CMTM8: variants seen among roughly 807,000 people sequenced by gnomAD.
CMTM8 encodes CKLF like MARVEL transmembrane domain containing 8.
A neutral mutation model predicts 18.6 loss-of-function variants in CMTM8; 12 were observed. That is an observed-to-expected ratio of 0.65 (90% CI 0.41 to 1.05). CMTM8 has a LOEUF of 1.05. Ranked by LOEUF, CMTM8 falls within the 50% of genes least tolerant of loss-of-function variation. The probability of loss-of-function intolerance (pLI) is 0.00; values close to 1 mark genes in which losing one functional copy is unlikely to be tolerated. For missense variants in CMTM8, 217 were observed against 227.2 expected (o/e 0.95, Z 0.29); for synonymous variants, 87 against 90.6 (o/e 0.96, Z 0.23).
chr3:32,277,074 T>C (rs777357268), intron 1 of CMTM8, among the ~76,000 whole-genome samples: 2 of 151,694 alleles, frequency 1.3e-5, no homozygotes, highest in Non-Finnish European at 2.9e-5. Context: ...TTTGTAGAGA[T>C]TGGGGTCTCA....
intron 1 of CMTM8, among the ~76,000 whole-genome samples, chr3:32,273,051 C>T (rs577349619): frequency 6.6e-6 from 1 of 151,868 alleles, no homozygotes; most frequent in East Asian, 1.9e-4. Flanking sequence ...AATGAGATAC[C>T]ATTTCACACC....
intron 1 of CMTM8, among the ~76,000 whole-genome samples, chr3:32,244,986 C>G (rs2125527607): frequency 6.6e-6 from 1 of 152,282 alleles, no homozygotes; most frequent in Admixed American, 6.5e-5. Context: ...TAATGATCAC[C>G]TTAAATAACG....
chr3:32,339,958 A>G (rs1696461902), intron 1 of CMTM8, among the ~76,000 whole-genome samples: 1 of 152,160 alleles, frequency 6.6e-6, no homozygotes. Flanking sequence ...GTGAGACTCC[A>G]TCTCAAAAAA....
At chr3:32,271,765 T>C (rs1014215231) in intron 1 of CMTM8, among the ~76,000 whole-genome samples, 56 of 152,222 alleles carry the variant, frequency 3.7e-4, no homozygotes, top group African/African-American at 1.4e-3. Flanking sequence ...TCTTTAGCTG[T>C]CTTAACATGC....
chr3:32,324,939 G>A (rs186028433), intron 1 of CMTM8, among the ~76,000 whole-genome samples: 1 of 152,358 alleles, frequency 6.6e-6, no homozygotes, highest in Non-Finnish European at 1.5e-5. Context: ...AAGAAGTTCT[G>A]TTTGCACAGA....
intron 1 of CMTM8, among the ~76,000 whole-genome samples, chr3:32,248,664 C>T (rs1702074323): frequency 6.6e-6 from 1 of 150,640 alleles, no homozygotes; most frequent in South Asian, 2.1e-4. Flanking sequence ...ACACCTGGCC[C>T]ATGTTTTTTT....
At chr3:32,330,660 A>G (rs773505059) in intron 1 of CMTM8, among the ~76,000 whole-genome samples, 1 of 152,198 alleles carries the variant, frequency 6.6e-6, no homozygotes, top group African/African-American at 2.4e-5. Context: ...TGATCAATAT[A>G]TGTCATTTAT....
At chr3:32,363,015 A>T (rs575273444) in intron 2 of CMTM8, among the ~76,000 whole-genome samples, 2 of 134,108 alleles carry the variant, frequency 1.5e-5, no homozygotes, top group Non-Finnish European at 3.4e-5. Context: ...AAACAGGAAT[A>T]AGAAAAGTAA....
intron 1 of CMTM8, among the ~76,000 whole-genome samples, chr3:32,328,137 G>T (rs1696198023): frequency 6.6e-6 from 1 of 152,138 alleles, no homozygotes. Flanking sequence ...CACTTTGGGA[G>T]CCCAAGGCAC....
intron 1 of CMTM8, among the ~76,000 whole-genome samples, chr3:32,317,258 T>C (rs1335067765): frequency 6.6e-6 from 1 of 152,186 alleles, no homozygotes; most frequent in Non-Finnish European, 1.5e-5. Flanking sequence ...CAGGGACTTC[T>C]CAGTAAATGT....
intron 1 of CMTM8, among the ~76,000 whole-genome samples, chr3:32,287,971 T>TA (rs935120389): frequency 7.3e-5 from 11 of 151,634 alleles, no homozygotes; most frequent in South Asian, 2.1e-4. Context: ...TTTATGGCTT[T>TA]AAAAAAAAAG....
At chr3:32,301,426 A>G (rs888798730) in intron 1 of CMTM8, among the ~76,000 whole-genome samples, 8 of 152,228 alleles carry the variant, frequency 5.3e-5, no homozygotes, top group African/African-American at 1.2e-4. Context: ...ATAAATTTCT[A>G]TCCTGTTGTT....
chr3:32,292,619 T>G (rs1469276651), intron 1 of CMTM8, among the ~76,000 whole-genome samples: 1 of 152,010 alleles, frequency 6.6e-6, no homozygotes, highest in Non-Finnish European at 1.5e-5. Flanking sequence ...AAACAAAGGA[T>G]ACTGTTTATC....
intron 1 of CMTM8, among the ~76,000 whole-genome samples, chr3:32,320,088 C>T (rs550913153): frequency 1.3e-5 from 2 of 152,358 alleles, no homozygotes; most frequent in East Asian, 3.9e-4. Flanking sequence ...GCCACTCCCT[C>T]AGCTCCTGAG....
chr3:32,352,604 G>A (rs75474558), intron 1 of CMTM8, among the ~76,000 whole-genome samples: 7,951 of 152,290 alleles, frequency 0.052, 278 homozygotes, highest in East Asian at 0.14. Flanking sequence ...ACATAAGACT[G>A]AATACTACAG....
chr3:32,267,055 C>G (rs1575152282), intron 1 of CMTM8, among the ~76,000 whole-genome samples: 1 of 152,214 alleles, frequency 6.6e-6, no homozygotes, highest in East Asian at 1.9e-4. Context: ...AATGCCATCC[C>G]CATCAAGCTA....
chr3:32,329,594 A>G (rs555794418), intron 1 of CMTM8, among the ~76,000 whole-genome samples: 1 of 152,290 alleles, frequency 6.6e-6, no homozygotes, highest in African/African-American at 2.4e-5. Context: ...AACACTAAAC[A>G]CACTTGGAAT....
chr3:32,351,796 A>G (rs548793442), intron 1 of CMTM8, among the ~76,000 whole-genome samples: 3 of 152,224 alleles, frequency 2.0e-5, no homozygotes, highest in South Asian at 2.1e-4. Flanking sequence ...TGGGGAAAAT[A>G]TTTGCCACAT....
At chr3:32,266,368 A>G in intron 1 of CMTM8, among the ~76,000 whole-genome samples, 1 of 152,224 alleles carries the variant, frequency 6.6e-6, no homozygotes, top group East Asian at 1.9e-4. Context: ...TGATTATCTC[A>G]ATAGATGCAG....
Sources: allele counts gnomAD v4.1 joint callset (sites outside exome capture counted in the v4.1 genomes callset), GRCh38; gene constraint gnomAD v4.1.1; transcripts MANE v1.5; gene names NCBI Gene and HGNC (gene_info 2026-07-23, HGNC 2026-07-21).